The following SYT12 variants were observed in gnomAD, a reference collection of about 807,000 sequenced individuals.
SYT12 encodes the protein synaptotagmin 12, also known as synaptotagmin-12.
In SYT12, 27 loss-of-function variants were observed where a neutral mutation model predicts 39.5. That is an observed-to-expected ratio of 0.68 (90% CI 0.50 to 0.94). SYT12 has a LOEUF of 0.94. SYT12 is among the 40% of genes least tolerant of loss of function. The probability of loss-of-function intolerance (pLI) is 0.00; values close to 1 mark genes in which losing one functional copy is unlikely to be tolerated. For missense variants in SYT12, 536 were observed against 572.6 expected (o/e 0.94, Z 0.65); for synonymous variants, 233 against 239.7 (o/e 0.97, Z 0.26).
At chr11:67,028,369 C>T (rs560489011) in intron 1 of SYT12, 15 of 152,300 alleles carry the variant, frequency 9.8e-5, no homozygotes, top group Middle Eastern at 6.8e-3. Context: ...CATGACAACG[C>T]ACATCTCCTT....
At position 67,043,067 on chromosome 11, in the gene SYT12, G is replaced by A. The variant is rs181784649; in HGVS notation, c.622-571G>A. ...CCCTTATTCCCCAGAGACAGAGCCC[G>A]CAATGCACCTTCCCAGGGGGCCTGC... is the stretch of plus-strand genomic sequence containing the variant. On this transcript the variant is annotated intron_variant, in intron 4 of 7. Coordinates refer to ENST00000527043, the MANE Select transcript of SYT12 (RefSeq NM_177963.4). Among the ~76,000 whole-genome samples, 12 of 152,270 alleles carry A rather than the reference G, an allele frequency of 7.9e-5. No homozygotes were observed. The East Asian group carries it at 1.2e-3, about 15-fold the overall frequency.
intron 2 of SYT12, chr11:67,010,817 T>C (rs1409015225): frequency 6.6e-6 from 1 of 152,190 alleles, no homozygotes; most frequent in Non-Finnish European, 1.5e-5. Context: ...TTGTCTTGAC[T>C]CCTAGAACAA....
At chr11:67,047,888 C>T (rs1444742692) in intron 7 of SYT12, among the ~76,000 whole-genome samples, 6 of 145,034 alleles carry the variant, frequency 4.1e-5, no homozygotes, top group East Asian at 4.5e-4. Flanking sequence ...CCCAGGTTCA[C>T]GCCATTCTCC....
At chr11:67,016,614 T>C (rs180853142) in intron 3 of SYT12, among the ~76,000 whole-genome samples, 67 of 152,314 alleles carry the variant, frequency 4.4e-4, no homozygotes, top group Admixed American at 2.2e-3. Context: ...CTTTCCAAGG[T>C]GGTCTTGTTC....
chr11:67,019,609 A>G (rs1357673848), upstream of SYT12, among the ~76,000 whole-genome samples: 2 of 152,036 alleles, frequency 1.3e-5, no homozygotes, highest in African/African-American at 4.8e-5. Flanking sequence ...ACAATCCAAG[A>G]TGAGATTTGG....
In SYT12 at chr11:67,035,537, A is replaced by G. The variant is rs1296270871; in HGVS notation, c.228+699A>G. ...CAGTGGGGCAATCTCGGCTCACTGCAAGCTCCGCCTCCCGGGTTCACGCCA... is the reference window on the plus strand; with the variant it reads ...CAGTGGGGCAATCTCGGCTCACTGCGAGCTCCGCCTCCCGGGTTCACGCCA... On this transcript the variant is annotated intron_variant, in intron 3 of 7. Transcript: ENST00000527043. 1.5e-4 allele frequency among the ~76,000 whole-genome samples: 21 copies of G among 141,718 alleles called. No homozygotes were observed. The Admixed American group carries it at 1.6e-3, about 11-fold the overall frequency. 93.0% of individuals were successfully genotyped at this position (141,718 alleles called of 152,430 possible).
chr11:67,045,512 C>A, intron 6 of SYT12: 1 of 582,586 alleles, frequency 1.7e-6, no homozygotes, highest in Non-Finnish European at 3.0e-6. Context: ...AGCGCGTGGG[C>A]TGTGAGGCAG....
At position 67,034,904 on chromosome 11, in the gene SYT12, C is replaced by G; in HGVS notation, c.228+66C>G. On this transcript the variant is annotated intron_variant, in intron 3 of 7. Transcript: ENST00000527043. ...CCATGCCCCTACCATCCACTCAGAT[C>G]AGTCTTCAGCCCCTCTCCCTCCGTC... is the stretch of plus-strand genomic sequence containing the variant. The G allele has an allele frequency of 3.1e-6, 4 of 1,307,702 alleles. No homozygotes were observed. The South Asian group carries it at 6.8e-5, about 22-fold the overall frequency. 81.0% of individuals were successfully genotyped at this position (1,307,702 alleles called of 1,614,324 possible).
At chr11:67,035,837 C>CCTTCCTTCCATTCTTT in intron 3 of SYT12, among the ~76,000 whole-genome samples, 1 of 111,144 alleles carries the variant, frequency 9.0e-6, no homozygotes, top group South Asian at 3.1e-4. Flanking sequence ...TTCCTTCCTT[C>CCTTCCTTCCATTCTTT]CTTTCTTTCT....
chr11:67,047,639 G>A (rs908944240), intron 7 of SYT12, among the ~76,000 whole-genome samples: 6 of 151,110 alleles, frequency 4.0e-5, no homozygotes, highest in Non-Finnish European at 2.9e-5. Context: ...CACTGCCCAA[G>A]GTCACACAGC....
chr11:67,045,477 G>C (rs1590655884), intron 6 of SYT12, among the ~76,000 whole-genome samples: 1 of 152,200 alleles, frequency 6.6e-6, no homozygotes, highest in South Asian at 2.1e-4. Flanking sequence ...GGGCTGCTGA[G>C]TTCCCCAGAG....
intron 7 of SYT12, among the ~76,000 whole-genome samples, chr11:67,046,347 A>G (rs922688126): frequency 6.6e-6 from 1 of 152,232 alleles, no homozygotes; most frequent in Non-Finnish European, 1.5e-5. Context: ...CAGGGACATC[A>G]CAGACCACGG....
chr11:67,038,403 G>C (rs1950428582), intron 3 of SYT12, among the ~76,000 whole-genome samples: 1 of 151,814 alleles, frequency 6.6e-6, no homozygotes, highest in Middle Eastern at 3.4e-3. Flanking sequence ...GACCTCAGGC[G>C]ATCCGCCACC....
chr11:67,045,291 T>TG lies in SYT12; in HGVS notation c.959-445dup, dbSNP rs111451083. Among the ~76,000 whole-genome samples, 67 of 55,720 alleles carry TG rather than the reference T, an allele frequency of 1.2e-3. 3 individuals carry two copies. Among genetic ancestry groups the TG allele is most frequent in the Middle Eastern group, 0.026 (2 of 78 alleles). 36.6% of individuals were successfully genotyped at this position (55,720 alleles called of 152,430 possible). A position where few individuals can be genotyped will look rare whatever the true frequency, so the allele number is the denominator to read the frequency against. ...TTGCAAGCCTTGGGGCGGGGGTAGG[T>TG]GGGGGGGGCAGCTCCAGGCAGGTGC... is the stretch of plus-strand genomic sequence containing the variant. On this transcript the variant is annotated intron_variant, in intron 6 of 7. Coordinates refer to ENST00000527043, the MANE Select transcript of SYT12 (RefSeq NM_177963.4).
At chr11:67,046,663 G>A (rs560270250) in intron 7 of SYT12, among the ~76,000 whole-genome samples, 1 of 152,122 alleles carries the variant, frequency 6.6e-6, no homozygotes, top group Non-Finnish European at 1.5e-5. Context: ...TGCCACCCTC[G>A]TGGAGCAGGC....
At chr11:67,021,378 C>T (rs956118569), upstream of SYT12, among the ~76,000 whole-genome samples, 1 of 151,566 alleles carries the variant, frequency 6.6e-6, no homozygotes, top group African/African-American at 2.4e-5. Flanking sequence ...AGGCCAATCT[C>T]GGCTCACTGC....
chr11:67,033,335 T>C (rs1460835714), intron 2 of SYT12, among the ~76,000 whole-genome samples: 3 of 152,104 alleles, frequency 2.0e-5, no homozygotes, highest in Admixed American at 6.6e-5. Context: ...ATCTGTCTAT[T>C]TATTTGCCTG....
At chr11:67,015,153 G>A (rs994951250) in intron 3 of SYT12, among the ~76,000 whole-genome samples, 29 of 152,208 alleles carry the variant, frequency 1.9e-4, no homozygotes, top group African/African-American at 5.5e-4. Context: ...CCAGAGCCGC[G>A]GCTCCTTCTT....
chr11:67,030,097 C>T (rs762189482), intron 1 of SYT12, 25 bp from the exon 2 acceptor site: 4 of 1,611,128 alleles, frequency 2.5e-6, no homozygotes, highest in East Asian at 2.2e-5. Flanking sequence ...GCAGCCCTCT[C>T]CTCTCACTCT....
Sources: gnomAD v4.1 joint callset for allele counts (sites outside exome capture counted in the v4.1 genomes callset) on GRCh38, gnomAD v4.1.1 for gene constraint, MANE v1.5 for transcripts, NCBI Gene and HGNC (gene_info 2026-07-23, HGNC 2026-07-21) for gene names.